MMADHC: variants seen among roughly 807,000 people sequenced by gnomAD.
The protein encoded by MMADHC is cobalamin trafficking protein CblD.
MMADHC carries 23 observed loss-of-function variants against 36.3 expected under a neutral mutation model. The ratio of observed to expected loss-of-function variants is 0.63; its 90% confidence interval spans 0.46 to 0.90. The LOEUF (loss-of-function observed/expected upper bound fraction) is 0.90. Among genes scored for constraint, MMADHC ranks in the 40% least tolerant of loss-of-function variants. The pLI, the probability that MMADHC is intolerant of heterozygous loss-of-function variation, is 0.00. For missense variants in MMADHC, 330 were observed against 348.0 expected, an observed-to-expected ratio of 0.95 and a Z score of 0.41; for synonymous variants, 97 against 116.1, an observed-to-expected ratio of 0.84 and a Z score of 1.06.
At chr2:149,576,727 G>A (rs1342877138) in intron 4 of MMADHC, among the ~76,000 whole-genome samples, 185 bp from the exon 5 acceptor site, 5 of 152,122 alleles carry the variant, frequency 3.3e-5, no homozygotes, top group Non-Finnish European at 5.9e-5. Flanking sequence ...ATGAATATAA[G>A]ATTTGGAAGT....
intron 4 of MMADHC, among the ~76,000 whole-genome samples, chr2:149,577,633 G>C (rs1210944053): frequency 6.6e-6 from 1 of 151,904 alleles, no homozygotes; most frequent in Non-Finnish European, 1.5e-5. Context: ...AGTGAGCCAA[G>C]ATTTGCAGAG....
At chr2:149,570,953 C>T in intron 7 of MMADHC, 132 bp downstream of exon 7, 1 of 705,196 alleles carries the variant, frequency 1.4e-6, no homozygotes, top group Non-Finnish European at 2.5e-6. Flanking sequence ...AACTGACTCA[C>T]AGTAGTATTT....
At chr2:149,570,195 C>G (rs202117218) in intron 7 of MMADHC, 27 bp from the exon 8 acceptor site, 335 of 1,561,856 alleles carry the variant, frequency 2.1e-4, no homozygotes, top group African/African-American at 2.9e-4. Flanking sequence ...GAAATATTCT[C>G]ATTAGTAAGA....
rs180812156 is a variant in MMADHC, at chr2:149,587,105, G to A, written c.-8C>T. The A allele has an allele frequency of 4.7e-4, 765 of 1,613,754 alleles. 3 individuals are homozygous for A. In the African/African-American group the frequency reaches 8.7e-3, roughly 18 times the overall value. On this transcript the variant is annotated 5_prime_UTR_variant, in exon 2 of 8. Transcript: ENST00000303319. ...TTTACTCACATTGGCCATCTCCGCT[G>A]GAGAAGATAGTTCGCAAAATAGCTT...
intron 5 of MMADHC, 36 bp downstream of exon 5, chr2:149,576,401 T>C (rs1285140026): frequency 2.9e-6 from 4 of 1,375,280 alleles, no homozygotes; most frequent in Admixed American, 1.7e-5. Context: ...TTAAAAAAAT[T>C]AGTAACAGTG....
At chr2:149,579,333 G>A (rs962141496) in intron 4 of MMADHC, 98 bp downstream of exon 4, 9 of 1,178,822 alleles carry the variant, frequency 7.6e-6, no homozygotes, top group Non-Finnish European at 1.1e-5. Context: ...GAATTAAATT[G>A]ATTTTTTACT....
intron 4 of MMADHC, among the ~76,000 whole-genome samples, chr2:149,577,491 T>G (rs926430636): frequency 6.6e-6 from 1 of 152,254 alleles, no homozygotes; most frequent in East Asian, 1.9e-4. Context: ...ATTTGGACTT[T>G]AGTCTACAGG....
intron 3 of MMADHC, among the ~76,000 whole-genome samples, chr2:149,581,473 GTT>G (rs1333599199): frequency 1.3e-5 from 2 of 152,112 alleles, no homozygotes; most frequent in Non-Finnish European, 2.9e-5. Flanking sequence ...ATTAGGTTAA[GTT>G]TCTAAGAGTC....
chr2:149,579,780 TATAA>T (rs1367764390), intron 3 of MMADHC, 132 bp from the exon 4 acceptor site: 8 of 810,714 alleles, frequency 9.9e-6, no homozygotes, highest in South Asian at 3.6e-5. Context: ...CCCATGTGAA[TATAA>T]ATAGTTTCCT....
At chr2:149,583,217 G>T (rs540884844) in intron 2 of MMADHC, among the ~76,000 whole-genome samples, 1 of 152,160 alleles carries the variant, frequency 6.6e-6, no homozygotes, top group African/African-American at 2.4e-5. Flanking sequence ...GCTATGAAAA[G>T]ATCTGAATAA....
chr2:149,575,887 T>C (rs781528232), intron 5 of MMADHC, 46 bp from the exon 6 acceptor site: 1 of 1,458,632 alleles, frequency 6.9e-7, no homozygotes, highest in Admixed American at 1.9e-5. Flanking sequence ...ATTTGATTTT[T>C]AAAGAACAAA....
rs569335830 is a variant in MMADHC, at chr2:149,570,257, A to G, written c.697-89T>C. The G allele has an allele frequency of 7.5e-6, 8 of 1,064,926 alleles. No homozygotes were observed. In the African/African-American group the frequency reaches 1.3e-4, roughly 17 times the overall value. The allele number at this position is 1,064,926 out of a possible 1,614,324, so 66.0% of individuals were successfully genotyped here. On this transcript the variant is annotated intron_variant, in intron 7 of 7. Coordinates refer to ENST00000303319, the MANE Select transcript of MMADHC (RefSeq NM_015702.3). ...TAAACATGAACACCTATCTACTTTAATACTCCAAATATTTAAAAAACTAAA... is the reference window on the plus strand; with the variant it reads ...TAAACATGAACACCTATCTACTTTAGTACTCCAAATATTTAAAAAACTAAA...
intron 2 of MMADHC, among the ~76,000 whole-genome samples, chr2:149,584,733 C>T (rs1424222185): frequency 6.6e-6 from 1 of 152,122 alleles, no homozygotes; most frequent in Admixed American, 6.6e-5. Context: ...CTGTTTCAAA[C>T]CTTACCCGTT....
rs1240832175 is a variant in MMADHC, at chr2:149,571,129, C to T, written c.652G>A (p.Glu218Lys). The T allele has an allele frequency of 6.2e-7, 1 of 1,612,526 alleles. No individual in the cohort carries two copies. Among genetic ancestry groups the T allele is most frequent in the Admixed American group, 1.7e-5 (1 of 59,972 alleles). The change falls in exon 7 of 8, where the codon GAG (glutamate) becomes AAG (lysine). Residue 218 changes from glutamate to lysine, a missense_variant. By Grantham distance (56) the Glu-to-Lys change is moderately conservative. Coordinates refer to ENST00000303319, the MANE Select transcript of MMADHC (RefSeq NM_015702.3). ...AKEICYALRA[E>K]GYWADFIDPS... ...TCAATAAAGTCAGCCCAATAACCCT[C>T]AGCTCGAAGAGCATAGCAAATTTCC...
At position 149,569,821 on chromosome 2, in the gene MMADHC, A is replaced by T; in HGVS notation, c.*153T>A. On this transcript the variant is annotated 3_prime_UTR_variant, in exon 8 of 8. Transcript: ENST00000303319. ...TGAATAAATGAACATTTGCAATTTT[A>T]AAATCCCAAATCACTTGCCAATGTT... 1 of 706,174 alleles carries T rather than the reference A, an allele frequency of 1.4e-6. No individual in the cohort carries two copies. Among genetic ancestry groups the T allele is most frequent in the Non-Finnish European group, 2.3e-6 (1 of 426,518 alleles). 43.7% of individuals were successfully genotyped at this position (706,174 alleles called of 1,614,324 possible).
At chr2:149,586,579 T>A (rs368838839) in intron 2 of MMADHC, among the ~76,000 whole-genome samples, 2 of 152,220 alleles carry the variant, frequency 1.3e-5, no homozygotes, top group South Asian at 4.1e-4. Context: ...TGTTTTTATA[T>A]ATGTCTTATG....
Position 149,569,778 on chromosome 2 carries a change from A to C in MMADHC, c.*196T>G, listed in dbSNP as rs922663665. 1 of 569,768 alleles carries C rather than the reference A, an allele frequency of 1.8e-6. No homozygotes were observed. Among genetic ancestry groups the C allele is most frequent in the Non-Finnish European group, 3.1e-6 (1 of 319,798 alleles). The allele number at this position is 569,768 out of a possible 1,614,324, so 35.3% of individuals were successfully genotyped here. Reference sequence around the variant, plus strand: ...CATCCTATACAATGTGGATGTGTTCAACGTGTATTCAATGATATGAATAAA... The same window carrying C: ...CATCCTATACAATGTGGATGTGTTCCACGTGTATTCAATGATATGAATAAA... On this transcript the variant is annotated 3_prime_UTR_variant, in exon 8 of 8. Transcript: ENST00000303319.
Position 149,578,932 on chromosome 2 carries a change from CCAAA to C in MMADHC, c.372+495_372+498del, listed in dbSNP as rs933339693. 6.7e-5 allele frequency among the ~76,000 whole-genome samples: 10 copies of C among 148,698 alleles called. No individual in the cohort carries two copies. In the East Asian group the frequency reaches 7.8e-4, roughly 12 times the overall value. ...ATGTTTAAAAATGAAAAAAAAAAACCCAAACAAACCTTAATAAATTGTTTAAGAA... is the reference window on the plus strand; with the variant it reads ...ATGTTTAAAAATGAAAAAAAAAAACCCAAACCTTAATAAATTGTTTAAGAA... On this transcript the variant is annotated intron_variant, in intron 4 of 7. Transcript: ENST00000303319.
chr2:149,575,815 C>A lies in MMADHC; in HGVS notation c.505G>T (p.Ala169Ser). ...GTCAGAATCATTAGTTTGCCATTAG[C>A]TACTTCTGGAAACAGTGATTCAAAA... The part of the protein sequence containing the change: ...KDFESLFPEV[A>S]NGKLMILTVT... Residue 169 changes from alanine (A) to serine (S), a missense_variant, in exon 6 of 8, where the codon GCT (alanine) becomes TCT (serine). Ala to Ser is a moderately conservative substitution (Grantham distance 99). Transcript: ENST00000303319. 1 of 1,603,066 alleles carries A rather than the reference C, an allele frequency of 6.2e-7. No individual in the cohort carries two copies. Among genetic ancestry groups the A allele is most frequent in the Non-Finnish European group, 8.5e-7 (1 of 1,171,362 alleles).
Sources: gnomAD v4.1 joint callset for allele counts (sites outside exome capture counted in the v4.1 genomes callset) on GRCh38, gnomAD v4.1.1 for gene constraint, MANE v1.5 for transcripts, NCBI Gene and HGNC (gene_info 2026-07-23, HGNC 2026-07-21) for gene names.